The following ITFG1 variants were observed in gnomAD, a reference collection of about 807,000 sequenced individuals.
ITFG1 encodes T-cell immunomodulatory protein.
ITFG1 carries 34 observed loss-of-function variants against 81.8 expected under a neutral mutation model. The ratio of observed to expected loss-of-function variants is 0.42; its 90% CI spans 0.32 to 0.55. The LOEUF (loss-of-function observed/expected upper bound fraction) is 0.55, where lower values mean the gene tolerates loss of function less well. Among genes scored for constraint, ITFG1 ranks in the 20% least tolerant of loss-of-function variants. The pLI, the probability that ITFG1 is intolerant of heterozygous loss-of-function variation, is 0.17. For missense variants in ITFG1, 672 were observed against 755.4 expected (o/e 0.89, Z 1.29); for synonymous variants, 285 against 270.6 (o/e 1.05, Z -0.52).
chr16:47,291,919 T>C (rs1237796408), intron 10 of ITFG1, among the ~76,000 whole-genome samples: 3 of 152,172 alleles, frequency 2.0e-5, no homozygotes, highest in Non-Finnish European at 4.4e-5. Flanking sequence ...TTCCGTAATA[T>C]CATTATTTTG....
intron 8 of ITFG1, among the ~76,000 whole-genome samples, chr16:47,361,560 C>A (rs927756290): frequency 1.3e-5 from 2 of 152,092 alleles, no homozygotes; most frequent in African/African-American, 4.8e-5. Context: ...AGAAGATACA[C>A]CTTCCTTGAT....
chr16:47,301,076 T>TA (rs1967068565), intron 10 of ITFG1, among the ~76,000 whole-genome samples: 1 of 152,222 alleles, frequency 6.6e-6, no homozygotes, highest in Non-Finnish European at 1.5e-5. Flanking sequence ...CACAGAAATC[T>TA]ATGTGCCTTA....
intron 5 of ITFG1, among the ~76,000 whole-genome samples, chr16:47,450,731 GA>G (rs945167244): frequency 6.6e-6 from 1 of 151,968 alleles, no homozygotes; most frequent in African/African-American, 2.4e-5. Context: ...ATCAGATACA[GA>G]AAAAAAATTA....
At chr16:47,352,840 A>T (rs1967982766) in intron 8 of ITFG1, among the ~76,000 whole-genome samples, 1 of 152,246 alleles carries the variant, frequency 6.6e-6, no homozygotes, top group African/African-American at 2.4e-5. Flanking sequence ...TGGATTACGA[A>T]AATGTGGCAC....
intron 10 of ITFG1, 71 bp downstream of exon 10, chr16:47,311,169 C>T (rs1967252946): frequency 1.8e-6 from 2 of 1,105,388 alleles, no homozygotes; most frequent in Non-Finnish European, 2.6e-6. Context: ...TATTCAGTTG[C>T]AAAGTACCAT....
chr16:47,270,623 T>C (rs1567441827), intron 10 of ITFG1, among the ~76,000 whole-genome samples: 1 of 152,240 alleles, frequency 6.6e-6, no homozygotes. Context: ...AGCTGACTAT[T>C]TGTAGCAGTC....
rs1199794132 is a variant in ITFG1, at chr16:47,193,580, G to A, written c.1453+25288C>T. Among the ~76,000 whole-genome samples, 7 of 152,278 alleles carry A rather than the reference G, an allele frequency of 4.6e-5. No homozygotes were observed. The East Asian group carries it at 1.4e-3, about 29-fold the overall frequency. ...GTGTTGGTGCACACCTGTAGTCCCA[G>A]CTACTAGGGAGGCTGCAGTGGGAGG... On this transcript the variant is annotated intron_variant, in intron 14 of 17. Transcript: ENST00000320640.
intron 8 of ITFG1, among the ~76,000 whole-genome samples, chr16:47,358,774 T>A (rs894667687): frequency 1.6e-4 from 25 of 152,212 alleles, no homozygotes; most frequent in Non-Finnish European, 3.5e-4. Context: ...AATTAAATAA[T>A]TCATTTAATA....
chr16:47,317,318 A>G (rs1967375579), intron 8 of ITFG1, among the ~76,000 whole-genome samples: 1 of 152,224 alleles, frequency 6.6e-6, no homozygotes, highest in African/African-American at 2.4e-5. Flanking sequence ...CTTGTCATAA[A>G]AATGGATTAC....
chr16:47,403,978 T>C (rs927552813), intron 6 of ITFG1, among the ~76,000 whole-genome samples: 2 of 151,854 alleles, frequency 1.3e-5, no homozygotes, highest in African/African-American at 4.8e-5. Flanking sequence ...TTCTACATTA[T>C]GGTAAGTTGT....
In ITFG1 at chr16:47,461,040, C is replaced by A. The variant is rs1414699270; in HGVS notation, c.6G>T (p.Ala2=). 3.2e-6 allele frequency: 5 copies of A among 1,539,964 alleles called. No individual in the cohort carries two copies. In the Admixed American group the frequency reaches 7.9e-5, roughly 24 times the overall value. The change falls in exon 1 of 18, where the codon GCG becomes GCT. Residue 2 remains alanine, a synonymous_variant. Coordinates refer to ENST00000320640, the MANE Select transcript of ITFG1 (RefSeq NM_030790.5). ...AGGAGCTCGGGAGCCGGCCCGCCGCCGCCATGGCAGCCCCTCAGCCCCCGC... is the reference window on the plus strand; with the variant it reads ...AGGAGCTCGGGAGCCGGCCCGCCGCAGCCATGGCAGCCCCTCAGCCCCCGC... M[A]AAGRLPSSWA...
At chr16:47,429,029 C>A (rs753298923) in intron 5 of ITFG1, 131 bp from the exon 6 acceptor site, 28 of 615,710 alleles carry the variant, frequency 4.5e-5, no homozygotes, top group Non-Finnish European at 6.9e-5. Context: ...ACAATTCATT[C>A]TCTTAAAGTG....
At chr16:47,253,720 A>G (rs931062750) in intron 12 of ITFG1, among the ~76,000 whole-genome samples, 10 of 152,176 alleles carry the variant, frequency 6.6e-5, no homozygotes, top group Admixed American at 5.2e-4. Flanking sequence ...TCGTGCTCCT[A>G]TGAGAATCTA....
At position 47,275,390 on chromosome 16, in the gene ITFG1, GT is replaced by G. The variant is rs2151547824; in HGVS notation, c.1071-14696del. ...CTATCAAGTAAATACACAATAATAG[GT>G]ATTTATAAAATATAGCTATATAAAA... On this transcript the variant is annotated intron_variant, in intron 10 of 17. Coordinates refer to ENST00000320640, the MANE Select transcript of ITFG1 (RefSeq NM_030790.5). Among the ~76,000 whole-genome samples the G allele has an allele frequency of 1.3e-5, 2 of 152,148 alleles. 1 individual carries two copies. Among genetic ancestry groups the G allele is most frequent in the East Asian group, 3.9e-4 (2 of 5,180 alleles).
At chr16:47,258,988 G>C (rs975557961) in intron 11 of ITFG1, among the ~76,000 whole-genome samples, 25 of 152,244 alleles carry the variant, frequency 1.6e-4, no homozygotes, top group African/African-American at 6.0e-4. Flanking sequence ...ATTTTGCTAT[G>C]TTTCTTTCCA....
chr16:47,185,385 A>G (rs987745062), intron 14 of ITFG1, among the ~76,000 whole-genome samples: 1 of 151,924 alleles, frequency 6.6e-6, no homozygotes, highest in South Asian at 2.1e-4. Context: ...AAGTAAATGT[A>G]AAAGAACAGA....
chr16:47,246,510 G>T (rs1287572679), intron 12 of ITFG1, among the ~76,000 whole-genome samples: 1 of 152,058 alleles, frequency 6.6e-6, no homozygotes, highest in African/African-American at 2.4e-5. Context: ...TGTTTAATTA[G>T]GAATTCTGAA....
At chr16:47,439,033 C>T (rs148099484) in intron 5 of ITFG1, among the ~76,000 whole-genome samples, 10,434 of 152,028 alleles carry the variant, frequency 0.069, 598 homozygotes, top group African/African-American at 0.15. Flanking sequence ...AACTACGTGA[C>T]GAATGCACAA....
chr16:47,357,475 C>T (rs1258646594), intron 8 of ITFG1, among the ~76,000 whole-genome samples: 6 of 151,732 alleles, frequency 4.0e-5, no homozygotes, highest in African/African-American at 1.5e-4. Context: ...ATTAGCCGGG[C>T]GTGGTGGTGG....
Sources: allele counts gnomAD v4.1 joint callset (sites outside exome capture counted in the v4.1 genomes callset), GRCh38; gene constraint gnomAD v4.1.1; transcripts MANE v1.5; gene names NCBI Gene and HGNC (gene_info 2026-07-23, HGNC 2026-07-21).